SND1: variants seen among roughly 807,000 people sequenced by gnomAD.
SND1 encodes the protein staphylococcal nuclease domain-containing protein 1.
In SND1, 38 loss-of-function variants were observed where a neutral mutation model predicts 121.7. The observed-to-expected ratio is 0.31, with a 90% CI of 0.24 to 0.41. The LOEUF (loss-of-function observed/expected upper bound fraction) is 0.41, where lower values mean the gene tolerates loss of function less well. Ranked by LOEUF, SND1 falls within the 10% of genes least tolerant of loss-of-function variation. The pLI, the probability that SND1 is intolerant of heterozygous loss-of-function variation, is 1.00. For synonymous variants in SND1, 401 were observed against 447.4 expected (o/e 0.90, Z 1.31); for missense variants, 868 against 1,184.6 (o/e 0.73, Z 3.92).
chr7:127,691,168 C>T (rs568867769), intron 2 of SND1, among the ~76,000 whole-genome samples: 1 of 151,938 alleles, frequency 6.6e-6, no homozygotes, highest in Admixed American at 6.6e-5. Context: ...CACTAAAGAA[C>T]TTATTCATTT....
chr7:128,025,711 G>A (rs1328522989), intron 16 of SND1, among the ~76,000 whole-genome samples: 1 of 152,130 alleles, frequency 6.6e-6, no homozygotes, highest in Admixed American at 6.5e-5. Context: ...CTGTAAAAGT[G>A]GAAACTGCAT....
In SND1 at chr7:128,074,586, C is replaced by G. The variant is rs1210727011; in HGVS notation, c.1864C>G (p.Leu622Val). The G allele has an allele frequency of 1.2e-6, 2 of 1,613,728 alleles. No individual in the cohort carries two copies. The highest frequency in any genetic ancestry group is 2.7e-5 in the African/African-American group (2 of 74,942). Residue 622 changes from leucine to valine, a missense_variant, in exon 17 of 24, where the codon CTG (leucine) becomes GTG (valine). Leu to Val is a conservative substitution (Grantham distance 32, BLOSUM62 1). Coordinates refer to ENST00000354725, the MANE Select transcript of SND1 (RefSeq NM_014390.4). The part of the protein sequence containing the change: ...HIDGANLSVL[L>V]VEHALSKVHF... Reference sequence around the variant, plus strand: ...CGACGGTGCCAACCTGTCCGTCCTGCTGGTGGAGCACGCGCTCTCCAAGGT... The same window carrying G: ...CGACGGTGCCAACCTGTCCGTCCTGGTGGTGGAGCACGCGCTCTCCAAGGT...
At chr7:128,054,627 C>A (rs2117025647) in intron 16 of SND1, among the ~76,000 whole-genome samples, 1 of 152,318 alleles carries the variant, frequency 6.6e-6, no homozygotes. Flanking sequence ...TTAAATTCCT[C>A]CTCCTCAGCC....
intron 12 of SND1, among the ~76,000 whole-genome samples, chr7:127,861,152 C>A (rs941740147): frequency 3.9e-5 from 6 of 152,130 alleles, no homozygotes; most frequent in Non-Finnish European, 8.8e-5. Flanking sequence ...ACAGGTATAA[C>A]AAAACTAGCC....
At chr7:127,922,333 G>T (rs1800737832) in intron 14 of SND1, among the ~76,000 whole-genome samples, 2 of 151,718 alleles carry the variant, frequency 1.3e-5, no homozygotes, top group Non-Finnish European at 2.9e-5. Context: ...CATTTTCTGA[G>T]GGTCCCTAAT....
intron 16 of SND1, among the ~76,000 whole-genome samples, chr7:128,019,752 G>A (rs1418621750): frequency 6.6e-6 from 1 of 152,226 alleles, no homozygotes; most frequent in African/African-American, 2.4e-5. Flanking sequence ...CTAATTAAAT[G>A]TATGTGATAA....
intron 10 of SND1, among the ~76,000 whole-genome samples, chr7:127,731,459 G>C (rs1796674538): frequency 6.6e-6 from 1 of 152,140 alleles, no homozygotes; most frequent in Non-Finnish European, 1.5e-5. Context: ...TTTTCCTCAG[G>C]AAAACATGCA....
At chr7:127,857,702 G>A in intron 12 of SND1, 1 of 581,566 alleles carries the variant, frequency 1.7e-6, no homozygotes, top group South Asian at 2.0e-5. Context: ...CATCAGCACA[G>A]CCAAGGCCCC....
intron 10 of SND1, among the ~76,000 whole-genome samples, chr7:127,765,446 G>A (rs1008109258): frequency 6.6e-6 from 1 of 152,210 alleles, no homozygotes; most frequent in African/African-American, 2.4e-5. Context: ...CTTAAGCTCT[G>A]TGCACAGTGA....
chr7:127,943,613 A>T (rs755626839), intron 15 of SND1, among the ~76,000 whole-genome samples: 33 of 152,122 alleles, frequency 2.2e-4, no homozygotes, highest in Non-Finnish European at 4.7e-4. Flanking sequence ...TGTGCCTATG[A>T]GGGCAAGTCT....
chr7:127,666,590 C>A (rs1795422595), intron 1 of SND1, among the ~76,000 whole-genome samples: 1 of 150,992 alleles, frequency 6.6e-6, no homozygotes, highest in Non-Finnish European at 1.5e-5. Context: ...AGAGTGCCCC[C>A]CTCAAAAAAA....
chr7:127,783,244 C>T (rs777896692), intron 10 of SND1, among the ~76,000 whole-genome samples: 1 of 152,196 alleles, frequency 6.6e-6, no homozygotes, highest in Non-Finnish European at 1.5e-5. Context: ...AATCTGACAG[C>T]TGTTACCTAA....
At chr7:128,077,329 G>T (rs1008582030) in intron 17 of SND1, among the ~76,000 whole-genome samples, 6 of 152,254 alleles carry the variant, frequency 3.9e-5, no homozygotes, top group African/African-American at 1.4e-4. Flanking sequence ...AAGAGAGAGA[G>T]CCAGGGCAGG....
At chr7:127,694,355 C>A (rs773638031) in intron 2 of SND1, among the ~76,000 whole-genome samples, 1 of 152,156 alleles carries the variant, frequency 6.6e-6, no homozygotes, top group Non-Finnish European at 1.5e-5. Flanking sequence ...TGGAAAGAGG[C>A]GGAGAAATGG....
chr7:127,702,362 C>T (rs984473892), intron 5 of SND1, 73 bp from the exon 6 acceptor site: 2 of 1,348,728 alleles, frequency 1.5e-6, no homozygotes, highest in Non-Finnish European at 2.1e-6. Context: ...GTGTTAAGTG[C>T]AGTTTGATTG....
intron 10 of SND1, among the ~76,000 whole-genome samples, chr7:127,739,991 C>G (rs990822141): frequency 5.3e-5 from 8 of 152,200 alleles, no homozygotes; most frequent in African/African-American, 1.9e-4. Context: ...AATGCTTGTT[C>G]TCTTCTCCCC....
At chr7:127,967,782 T>C (rs577793594) in intron 15 of SND1, among the ~76,000 whole-genome samples, 28 of 152,370 alleles carry the variant, frequency 1.8e-4, no homozygotes, top group East Asian at 7.7e-4. Flanking sequence ...CCAAGAGATA[T>C]CTGTTGACGT....
chr7:128,039,256 A>T (rs1792807272), intron 16 of SND1, among the ~76,000 whole-genome samples: 1 of 152,156 alleles, frequency 6.6e-6, no homozygotes, highest in Non-Finnish European at 1.5e-5. Context: ...CATTATCTGA[A>T]ATTGTCTTGT....
chr7:127,927,712 T>G (rs1800870403), intron 14 of SND1, among the ~76,000 whole-genome samples: 1 of 152,248 alleles, frequency 6.6e-6, no homozygotes. Flanking sequence ...GAATACTGTT[T>G]TCATCCCAGC....
Sources: allele counts gnomAD v4.1 joint callset (sites outside exome capture counted in the v4.1 genomes callset), GRCh38; gene constraint gnomAD v4.1.1; transcripts MANE v1.5; gene names NCBI Gene and HGNC (gene_info 2026-07-23, HGNC 2026-07-21).